SLC4A11: variants seen among roughly 807,000 people sequenced by gnomAD.
SLC4A11 encodes the protein bicarbonate transporter related protein 1.
Under a neutral mutation model 95.0 loss-of-function variants are expected in SLC4A11, and 74 were observed. That is an observed-to-expected ratio of 0.78 (90% CI 0.65 to 0.95). The LOEUF (loss-of-function observed/expected upper bound fraction) is 0.95. Among genes scored for constraint, SLC4A11 ranks in the 40% least tolerant of loss-of-function variants. The probability of loss-of-function intolerance (pLI) is 0.00; values close to 1 mark genes in which losing one functional copy is unlikely to be tolerated. For synonymous variants in SLC4A11, 548 were observed against 519.0 expected, an observed-to-expected ratio of 1.06 and a Z score of -0.76; for missense variants, 1,081 against 1,192.4, an observed-to-expected ratio of 0.91 and a Z score of 1.38.
At chr20:3,232,420 C>A (rs1022057504) in intron 7 of SLC4A11, among the ~76,000 whole-genome samples, 2 of 152,284 alleles carry the variant, frequency 1.3e-5, no homozygotes, top group African/African-American at 4.8e-5. Flanking sequence ...CCGTGCCTGG[C>A]AGGGCATGGT....
At chr20:3,229,798 C>A (rs2067691673) in intron 13 of SLC4A11, 22 bp from the exon 14 acceptor site, 1 of 1,613,530 alleles carries the variant, frequency 6.2e-7, no homozygotes, top group Non-Finnish European at 8.5e-7. Context: ...CACCCACAGG[C>A]CTCAGCCCTC....
At chr20:3,236,458 G>A (rs374587017) in intron 2 of SLC4A11, among the ~76,000 whole-genome samples, 259 of 152,218 alleles carry the variant, frequency 1.7e-3, no homozygotes, top group African/African-American at 5.4e-3. Flanking sequence ...GTGTGGTGGC[G>A]GGCGCCTGTA....
In SLC4A11 at chr20:3,229,635, G is replaced by A. The variant is rs746974577; in HGVS notation, c.1631C>T (p.Pro544Leu). 1 of 1,613,370 alleles carries A rather than the reference G, an allele frequency of 6.2e-7. No individual in the cohort carries two copies. The highest frequency in any genetic ancestry group is 1.3e-5 in the African/African-American group (1 of 74,922). ...GTGTGTGGCCGAGGGCAGCTCCGTGGGGCTGGCGAGGAAGCTGGCGTTGAG... is the reference window on the plus strand; with the variant it reads ...GTGTGTGGCCGAGGGCAGCTCCGTGAGGCTGGCGAGGAAGCTGGCGTTGAG... ...TALNASFLAS[P>L]TELPSATHSG... is the part of the protein sequence containing the mutation. Residue 544 changes from proline to leucine, a missense_variant, in exon 14 of 20, where the codon CCC (proline) becomes CTC (leucine). Pro to Leu is a moderately conservative substitution (Grantham distance 98). Coordinates refer to ENST00000642402, the MANE Select transcript of SLC4A11 (RefSeq NM_001174089.2).
In SLC4A11 at chr20:3,238,828, G is replaced by GCT; in HGVS notation, c.43+266_43+267insAG. The GCT allele has an allele frequency of 5.1e-6, 6 of 1,187,490 alleles. No homozygotes were observed. The South Asian group carries it at 2.4e-4, about 47-fold the overall frequency. 73.6% of individuals were successfully genotyped at this position (1,187,490 alleles called of 1,614,324 possible). On this transcript the variant is annotated intron_variant, in intron 1 of 19. Coordinates refer to ENST00000642402, the MANE Select transcript of SLC4A11 (RefSeq NM_001174089.2). ...TCGAGCTCCCCGCCCTCGACCCGCTGCATCAGCTGTTCAAACCTGGTAAGA... is the reference window on the plus strand; with the variant it reads ...TCGAGCTCCCCGCCCTCGACCCGCTGCTCATCAGCTGTTCAAACCTGGTAAGA...
chr20:3,237,151 G>A (rs1365434876), intron 2 of SLC4A11, among the ~76,000 whole-genome samples: 2 of 152,300 alleles, frequency 1.3e-5, no homozygotes, highest in East Asian at 3.9e-4. Context: ...GTGCCCGAGG[G>A]ACTGCAGCAC....
chr20:3,228,630 G>T lies in SLC4A11; in HGVS notation c.2270C>A (p.Pro757Gln). ...VLVGLSLLLL[P>Q]VPLQWIPKPV... is the part of the protein sequence containing the mutation. Reference sequence around the variant, plus strand: ...CTTGGGGATCCACTGAAGCGGGACCGGCAGCAGCAACAGGGACAGGCCCAC... The same window carrying T: ...CTTGGGGATCCACTGAAGCGGGACCTGCAGCAGCAACAGGGACAGGCCCAC... The change falls in exon 18 of 20, where the codon CCG becomes CAG. Residue 757 changes from proline to glutamine, a missense_variant. Transcript: ENST00000642402. 1 of 1,613,148 alleles carries T rather than the reference G, an allele frequency of 6.2e-7. No individual in the cohort carries two copies. The highest frequency in any genetic ancestry group is 8.5e-7 in the Non-Finnish European group (1 of 1,179,906).
intron 2 of SLC4A11, among the ~76,000 whole-genome samples, chr20:3,236,176 TC>T (rs2067975725): frequency 1.3e-5 from 2 of 152,260 alleles, no homozygotes; most frequent in South Asian, 4.1e-4. Context: ...CAGGCCCTGT[TC>T]CCCCAGTGTC....
Position 3,237,627 on chromosome 20 carries a change from A to G in SLC4A11, c.44-39T>C. 3 of 1,613,992 alleles carry G rather than the reference A, an allele frequency of 1.9e-6. No individual in the cohort carries two copies. In the East Asian group the frequency reaches 6.7e-5, roughly 36 times the overall value. ...AGAAAGGTCACCAGCCCCATGGACC[A>G]AGCCCTGGACCTCCTGTGTGCACCT... On this transcript the variant is annotated intron_variant, in intron 1 of 19. Transcript: ENST00000642402.
In SLC4A11 at chr20:3,234,814, A is replaced by C; in HGVS notation, c.169T>G (p.Ser57Ala). 6.2e-7 allele frequency: 1 copy of C among 1,613,946 alleles called. No homozygotes were observed. The highest frequency in any genetic ancestry group is 1.1e-5 in the South Asian group (1 of 91,064). The change falls in exon 3 of 20, where the codon TCC (serine) becomes GCC (alanine). Residue 57 changes from serine (S) to alanine (A), a missense_variant. Coordinates refer to ENST00000642402, the MANE Select transcript of SLC4A11 (RefSeq NM_001174089.2). This position sits in a 1 kb window ranked among gnomAD's most constrained non-coding sequence, Gnocchi z 5.8. ...ATACTCTCGCCAGACACGATGGAGGAGTTGGCAGTGTCGAAGGCCTCATCC... is the reference window on the plus strand; with the variant it reads ...ATACTCTCGCCAGACACGATGGAGGCGTTGGCAGTGTCGAAGGCCTCATCC... ...LGDEAFDTANSSIVSGESIRF... is the reference protein window; with the variant it reads ...LGDEAFDTANASIVSGESIRF...
chr20:3,232,438 G>A (rs1031158538), intron 7 of SLC4A11, among the ~76,000 whole-genome samples: 3 of 152,272 alleles, frequency 2.0e-5, no homozygotes, highest in Non-Finnish European at 2.9e-5. Context: ...GGTGGCTCAC[G>A]CCCATAATAC....
rs371041710 is a variant in SLC4A11 at position 3,237,521 on chromosome 20, C to T, written c.88+23G>A. 5 of 1,612,628 alleles carry T rather than the reference C, an allele frequency of 3.1e-6. No homozygotes were observed. In the African/African-American group the frequency reaches 6.7e-5, roughly 22 times the overall value. ...GCCCGACAAGCTCTCTCTGCACACACACACTCCCCGAGAGGTACTCACTTG... is the reference window on the plus strand; with the variant it reads ...GCCCGACAAGCTCTCTCTGCACACATACACTCCCCGAGAGGTACTCACTTG... On this transcript the variant is annotated intron_variant, in intron 2 of 19. Coordinates refer to ENST00000642402, the MANE Select transcript of SLC4A11 (RefSeq NM_001174089.2).
chr20:3,230,533 A>G lies in SLC4A11; in HGVS notation c.1397T>C (p.Val466Ala). 6.2e-7 allele frequency: 1 copy of G among 1,613,882 alleles called. No homozygotes were observed. Residue 466 changes from valine to alanine, a missense_variant, in exon 12 of 20, where the codon GTC becomes GCC. By Grantham distance (64) the Val-to-Ala change is moderately conservative. Around this residue, in one of 3 missense-constraint regions of SLC4A11, gnomAD observed 767 missense variants for 858.0 expected, o/e 0.89. Coordinates refer to ENST00000642402, the MANE Select transcript of SLC4A11 (RefSeq NM_001174089.2). ...CAGTCACCTCTTGAAGAGACTCATGACCAGGCTGAGGTTGAAAAAGGCATA... is the reference window on the plus strand; with the variant it reads ...CAGTCACCTCTTGAAGAGACTCATGGCCAGGCTGAGGTTGAAAAAGGCATA... ...ALYAFFNLSL[V>A]MSLFKRSTEE...
At position 3,231,525 on chromosome 20, in the gene SLC4A11, C is replaced by T; in HGVS notation, c.753G>A (p.Glu251=). Reference sequence around the variant, plus strand: ...ACATGGTGGCAAACGTGCGCGCCACCTCCATCGCAGTCTTAGTGCTTTTCT... The same window carrying T: ...ACATGGTGGCAAACGTGCGCGCCACTTCCATCGCAGTCTTAGTGCTTTTCT... ...PKMKSTKTAM[E]VARTFATMFS... Residue 251 remains glutamate, a synonymous_variant, in exon 8 of 20, where the codon GAG becomes GAA. Transcript: ENST00000642402. This position sits in a 1 kb window ranked among gnomAD's most constrained non-coding sequence, Gnocchi z 5.2. 6.2e-7 allele frequency: 1 copy of T among 1,613,958 alleles called. No individual in the cohort carries two copies. Among genetic ancestry groups the T allele is most frequent in the Non-Finnish European group, 8.5e-7 (1 of 1,180,026 alleles).
chr20:3,227,732 C>A lies in SLC4A11; in HGVS notation c.*55G>T. 1 of 1,588,078 alleles carries A rather than the reference C, an allele frequency of 6.3e-7. No individual in the cohort carries two copies. The highest frequency in any genetic ancestry group is 8.6e-7 in the Non-Finnish European group (1 of 1,161,636). ...TACACCTCCCCTCACAGCTCCAGAG[C>A]CAGCCTGGGAGGACGTGGAGGGCTG... On this transcript the variant is annotated 3_prime_UTR_variant, in exon 20 of 20. Transcript: ENST00000642402.
In SLC4A11 at chr20:3,230,221, C is replaced by A. The variant is rs143533055; in HGVS notation, c.1455G>T (p.Thr485=). Residue 485 remains threonine (T), a synonymous_variant, in exon 13 of 20, where the codon ACG becomes ACT. Coordinates refer to ENST00000642402, the MANE Select transcript of SLC4A11 (RefSeq NM_001174089.2). ...EEIIALFISI[T]FVLDAVKGTV... ...TGCCCTTGACGGCATCCAGCACAAACGTGATGGAAATGAAGAGGGCGATGA... is the reference window on the plus strand; with the variant it reads ...TGCCCTTGACGGCATCCAGCACAAAAGTGATGGAAATGAAGAGGGCGATGA... 3 of 1,613,606 alleles carry A rather than the reference C, an allele frequency of 1.9e-6. No homozygotes were observed. Among genetic ancestry groups the A allele is most frequent in the Non-Finnish European group, 2.5e-6 (3 of 1,180,020 alleles).
Position 3,230,843 on chromosome 20 carries a change from C to A in SLC4A11, c.1171G>T (p.Val391Leu). 1 of 1,613,362 alleles carries A rather than the reference C, an allele frequency of 6.2e-7. No homozygotes were observed. Among genetic ancestry groups the A allele is most frequent in the Non-Finnish European group, 8.5e-7 (1 of 1,179,924 alleles). ...CTCTGCCCGGCTATGGTCTTCTGCA[C>A]GTCTGTGGGGGTGCGGAGGTCAGGT... is the stretch of plus-strand genomic sequence containing the variant. Reference protein sequence around the residue: ...NDENTDGAIDVQKTIAGQSIG... With the variant: ...NDENTDGAIDLQKTIAGQSIG... The change falls in exon 11 of 20, where the codon GTG (valine) becomes TTG (leucine). Residue 391 changes from valine (V) to leucine (L), a missense_variant and splice_region_variant. This residue lies in a region of SLC4A11 where 767 missense variants were observed against 858.0 expected (regional missense o/e 0.89). Transcript: ENST00000642402.
rs758431653 is a variant in SLC4A11 at position 3,230,198 on chromosome 20, C to T, written c.1478G>A (p.Gly493Asp). ...CCAGCCGCACTCACTTTTAACCGTG[C>T]CCTTGACGGCATCCAGCACAAACGT... ...SITFVLDAVK[G>D]TVKIFWKYYY... Residue 493 changes from glycine to aspartate, a missense_variant, in exon 13 of 20, where the codon GGC becomes GAC. Physicochemically the swap from Gly to Asp is moderately conservative, Grantham distance 94 (BLOSUM62 -1). This residue lies in a region of SLC4A11 where 767 missense variants were observed against 858.0 expected (regional missense o/e 0.89). Transcript: ENST00000642402. 3.1e-6 allele frequency: 5 copies of T among 1,613,558 alleles called. No individual in the cohort carries two copies. Among genetic ancestry groups the T allele is most frequent in the Non-Finnish European group, 4.2e-6 (5 of 1,180,018 alleles).
rs4142381 is a variant in SLC4A11 at position 3,237,355 on chromosome 20, C to T, written c.88+189G>A. ...TAGCCCAGGAGAATGGGCAGCCTGC[C>T]CTCTCAGGTCCACGGGGGATCCGCC... On this transcript the variant is annotated intron_variant, in intron 2 of 19. Transcript: ENST00000642402. Among the ~76,000 whole-genome samples, 52,533 of 139,400 alleles carry T rather than the reference C, an allele frequency of 0.38. 9,463 individuals are homozygous for T. Among genetic ancestry groups the T allele is most frequent in the East Asian group, 0.55 (2,834 of 5,134 alleles). 91.5% of individuals were successfully genotyped at this position (139,400 alleles called of 152,430 possible). A position where few individuals can be genotyped will look rare whatever the true frequency, so the allele number is the denominator to read the frequency against.
At chr20:3,233,492 G>A in intron 7 of SLC4A11, 22 bp downstream of exon 7, 3 of 1,613,048 alleles carry the variant, frequency 1.9e-6, no homozygotes, top group Non-Finnish European at 2.5e-6. Flanking sequence ...TTCTTCCCCA[G>A]GACACGGCAC....
Sources: gnomAD v4.1 joint callset for allele counts (sites outside exome capture counted in the v4.1 genomes callset) on GRCh38, gnomAD v4.1.1 for gene constraint, gnomAD v4.1.1 regional missense constraint, Gnocchi (gnomAD v3.1) non-coding constraint, MANE v1.5 for transcripts, NCBI Gene and HGNC (gene_info 2026-07-23, HGNC 2026-07-21) for gene names.